The following TAOK2 variants were observed in gnomAD, a reference collection of about 807,000 sequenced individuals.
TAOK2 encodes TAO kinase 2, also known as serine/threonine-protein kinase TAO2.
TAOK2 carries 42 observed loss-of-function variants against 122.5 expected under a neutral mutation model. That is an observed-to-expected ratio of 0.34 (90% CI 0.27 to 0.44). The LOEUF (loss-of-function observed/expected upper bound fraction) is 0.44, where lower values mean the gene tolerates loss of function less well. TAOK2 is among the 20% of genes least tolerant of loss of function. The probability of loss-of-function intolerance (pLI) is 1.00; values close to 1 mark genes in which losing one functional copy is unlikely to be tolerated. For synonymous variants in TAOK2, 704 were observed against 677.6 expected (o/e 1.04, Z -0.61); for missense variants, 1,264 against 1,644.9 (o/e 0.77, Z 4.01).
rs1021606600 is a variant in TAOK2, at chr16:29,985,293, G to A, written c.1503G>A (p.Gln501=). Residue 501 remains glutamine (Q), a synonymous_variant, in exon 14 of 16, where the codon CAG becomes CAA. Coordinates refer to ENST00000308893, the MANE Select transcript of TAOK2 (RefSeq NM_016151.4). This position sits in a 1 kb window ranked among gnomAD's most constrained non-coding sequence, Gnocchi z 6.9. ...GCGGCTATAAGCGGATGCGACGACA[G>A]CACCAGAAGCAGCTGCTGGCCCTGG... ...QLSGYKRMRR[Q]HQKQLLALES... is the part of the protein sequence containing the mutation. 3 of 1,603,008 alleles carry A rather than the reference G, an allele frequency of 1.9e-6. No individual in the cohort carries two copies. The highest frequency in any genetic ancestry group is 2.6e-6 in the Non-Finnish European group (3 of 1,173,308).
chr16:29,988,900 A>C, downstream of TAOK2: 1 of 985,180 alleles, frequency 1.0e-6, no homozygotes, highest in Non-Finnish European at 1.2e-6. Context: ...GCCGGGCTGG[A>C]ATGCGGATCT....
chr16:29,988,140 T>G lies in TAOK2; in HGVS notation c.*160T>G. The G allele has an allele frequency of 1.4e-6, 2 of 1,432,858 alleles. No individual in the cohort carries two copies. The highest frequency in any genetic ancestry group is 2.5e-5 in the East Asian group (1 of 39,908). The allele number at this position is 1,432,858 out of a possible 1,614,324, so 88.8% of individuals were successfully genotyped here. A position where few individuals can be genotyped will look rare whatever the true frequency, so the allele number is the denominator to read the frequency against. On this transcript the variant is annotated 3_prime_UTR_variant, in exon 16 of 16. Coordinates refer to ENST00000308893, the MANE Select transcript of TAOK2 (RefSeq NM_016151.4). The stretch of plus-strand genomic sequence containing the variant: ...CCTTCGGACCTCTAGACAGGCAGCC[T>G]CCTCAGCTGTGGAGTCCAGCAGTCA...
In TAOK2 at chr16:29,981,947, G is replaced by A; in HGVS notation, c.831+7G>A. ...CTCAGAGGTTCTCCTGAAGGTGAGG[G>A]CCTGCTGGCCTAGCATTCTCCTGGA... On this transcript the variant is annotated splice_region_variant and intron_variant, in intron 10 of 15. Coordinates refer to ENST00000308893, the MANE Select transcript of TAOK2 (RefSeq NM_016151.4). 6.2e-7 allele frequency: 1 copy of A among 1,608,870 alleles called. No individual in the cohort carries two copies. The highest frequency in any genetic ancestry group is 8.5e-7 in the Non-Finnish European group (1 of 1,176,136).
Position 29,985,529 on chromosome 16 carries a change from T to C in TAOK2, c.1739T>C (p.Leu580Pro). The change falls in exon 14 of 16, where the codon CTG becomes CCG. Residue 580 changes from leucine (L) to proline (P), a missense_variant. By Grantham distance (98) the Leu-to-Pro change is moderately conservative. Transcript: ENST00000308893. The surrounding 1 kb of genome is among the most constrained non-coding windows in gnomAD (Gnocchi z 6.9). ...GQQKKELAAL[L>P]EAQKRTYKLR... ...CAGAAGAAGGAGCTGGCTGCCCTGCTGGAGGCACAGAAGCGGACCTACAAA... is the reference window on the plus strand; with the variant it reads ...CAGAAGAAGGAGCTGGCTGCCCTGCCGGAGGCACAGAAGCGGACCTACAAA... 1 of 1,608,734 alleles carries C rather than the reference T, an allele frequency of 6.2e-7. No individual in the cohort carries two copies. The highest frequency in any genetic ancestry group is 8.5e-7 in the Non-Finnish European group (1 of 1,176,892).
rs1567249872 is a variant in TAOK2, at chr16:29,987,107, A to C, written c.2835A>C (p.Gly945=). 6.2e-7 allele frequency: 1 copy of C among 1,612,398 alleles called. No individual in the cohort carries two copies. Among genetic ancestry groups the C allele is most frequent in the Non-Finnish European group, 8.5e-7 (1 of 1,179,106 alleles). Residue 945 remains glycine (G), a synonymous_variant, in exon 16 of 16, where the codon GGA becomes GGC. Transcript: ENST00000308893. ...LRPCPASQLP[G]LLSHGLLAGL... is the part of the protein sequence containing the mutation. ...CCTGCCCTGCCAGCCAGCTCCCTGGACTCCTGTCCCATGGCCTCCTGGCCG... is the reference window on the plus strand; with the variant it reads ...CCTGCCCTGCCAGCCAGCTCCCTGGCCTCCTGTCCCATGGCCTCCTGGCCG...
In TAOK2 at chr16:29,987,669, C is replaced by T. The variant is rs772447624; in HGVS notation, c.3397C>T (p.Arg1133Trp). The T allele has an allele frequency of 9.9e-6, 16 of 1,613,846 alleles. No homozygotes were observed. The highest frequency in any genetic ancestry group is 5.3e-5 in the African/African-American group (4 of 75,048). ...CAGCCGCCTGCCCGTCCCTGGGCCC[C>T]GGCGGCGTAATCCCCGCACCACCCA... is the stretch of plus-strand genomic sequence containing the variant. ...FRSRLPVPGP[R>W]RRNPRTTQHP... is the part of the protein sequence containing the mutation. Residue 1133 changes from arginine (R) to tryptophan (W), a missense_variant, in exon 16 of 16, where the codon CGG becomes TGG. Physicochemically the swap from Arg to Trp is moderately radical, Grantham distance 101. Coordinates refer to ENST00000308893, the MANE Select transcript of TAOK2 (RefSeq NM_016151.4).
rs750004275 is a variant in TAOK2 at position 29,983,658 on chromosome 16, C to T, written c.1416C>T (p.Ala472=). The change falls in exon 13 of 16, where the codon GCC becomes GCT. Residue 472 remains alanine, a synonymous_variant. Transcript: ENST00000308893. ...NRDHFATIRT[A]SLVSRQIQEH... is the part of the protein sequence containing the mutation. ...ACCACTTTGCCACCATCCGAACCGCCTCCCTGGTGAGTGTAGCCATCCTCA... is the reference window on the plus strand; with the variant it reads ...ACCACTTTGCCACCATCCGAACCGCTTCCCTGGTGAGTGTAGCCATCCTCA... 6 of 1,610,654 alleles carry T rather than the reference C, an allele frequency of 3.7e-6. No individual in the cohort carries two copies. In the East Asian group the frequency reaches 1.3e-4, roughly 36 times the overall value.
At chr16:29,978,515 C>A (rs1361206434) in intron 4 of TAOK2, among the ~76,000 whole-genome samples, 162 bp downstream of exon 4, 1 of 152,162 alleles carries the variant, frequency 6.6e-6, no homozygotes. Flanking sequence ...ACCCACTGAG[C>A]AAAAGCCTGG....
chr16:29,989,736 G>T, downstream of TAOK2: 1 of 1,614,018 alleles, frequency 6.2e-7, no homozygotes. Context: ...AGGAAGAGCA[G>T]ACCCGCAAGC....
rs2069689911 is a variant in TAOK2, at chr16:29,983,613, G to A, written c.1371G>A (p.Arg457=). The A allele has an allele frequency of 1.9e-6, 3 of 1,613,564 alleles. No individual in the cohort carries two copies. Among genetic ancestry groups the A allele is most frequent in the South Asian group, 2.2e-5 (2 of 91,080 alleles). Residue 457 remains arginine (R), a synonymous_variant, in exon 13 of 16, where the codon CGG becomes CGA. Transcript: ENST00000308893. ...CCACCACCTCTTCCGCCCGCCGCCGGGCCTACTGCCGTAACCGAGACCACT... is the reference window on the plus strand; with the variant it reads ...CCACCACCTCTTCCGCCCGCCGCCGAGCCTACTGCCGTAACCGAGACCACT... ...PTSTTSSARR[R]AYCRNRDHFA...
At chr16:29,990,962 A>G (rs1297171801), downstream of TAOK2, 11 of 1,610,382 alleles carry the variant, frequency 6.8e-6, no homozygotes, top group Non-Finnish European at 9.3e-6. Context: ...CTGCTGGAGC[A>G]GCGGGTAAGG....
downstream of TAOK2, chr16:29,991,193 T>G: frequency 6.2e-7 from 1 of 1,611,118 alleles, no homozygotes; most frequent in Non-Finnish European, 8.5e-7. The surrounding 1 kb of genome is among the most constrained non-coding windows in gnomAD (Gnocchi z 5.6). Context: ...GCATCCCGGC[T>G]GAAGCTGCTG....
Position 29,986,166 on chromosome 16 carries a change from G to A in TAOK2, c.1993-99G>A. The stretch of plus-strand genomic sequence containing the variant: ...ATACTGACCAGGCCCTGGGCCCTGT[G>A]TTTCTTCCGCCATCCCCAGCTCCCT... On this transcript the variant is annotated intron_variant, in intron 15 of 15. Coordinates refer to ENST00000308893, the MANE Select transcript of TAOK2 (RefSeq NM_016151.4). This position sits in a 1 kb window ranked among gnomAD's most constrained non-coding sequence, Gnocchi z 4.2. 6.8e-7 allele frequency: 1 copy of A among 1,478,290 alleles called. No individual in the cohort carries two copies. Among genetic ancestry groups the A allele is most frequent in the South Asian group, 1.4e-5 (1 of 70,294 alleles). The allele number at this position is 1,478,290 out of a possible 1,614,324, so 91.6% of individuals were successfully genotyped here. A position where few individuals can be genotyped will look rare whatever the true frequency, so the allele number is the denominator to read the frequency against.
Position 29,988,103 on chromosome 16 carries a change from C to A in TAOK2, c.*123C>A. The A allele has an allele frequency of 7.0e-7, 1 of 1,435,368 alleles. No homozygotes were observed. Among genetic ancestry groups the A allele is most frequent in the South Asian group, 1.5e-5 (1 of 67,282 alleles). The allele number at this position is 1,435,368 out of a possible 1,614,324, so 88.9% of individuals were successfully genotyped here. ...CACCTTCCTCAGTTTGCTCACTTAC[C>A]CCAGGCCCAGCCCTTCGGACCTCTA... On this transcript the variant is annotated 3_prime_UTR_variant, in exon 16 of 16. Coordinates refer to ENST00000308893, the MANE Select transcript of TAOK2 (RefSeq NM_016151.4).
In TAOK2 at chr16:29,976,886, A is replaced by G. The variant is rs2069471841; in HGVS notation, c.-35-852A>G. On this transcript the variant is annotated intron_variant, in intron 1 of 15. Coordinates refer to ENST00000308893, the MANE Select transcript of TAOK2 (RefSeq NM_016151.4). ...TGTTTCGAAGGGCTGCTCTGAAATC[A>G]TAGTGATGGAGGACCAGCTTTGGAC... Among the ~76,000 whole-genome samples, 2 of 152,232 alleles carry G rather than the reference A, an allele frequency of 1.3e-5. 1 individual carries two copies. Among genetic ancestry groups the G allele is most frequent in the South Asian group, 4.1e-4 (2 of 4,832 alleles).
At position 29,987,264 on chromosome 16, in the gene TAOK2, G is replaced by A; in HGVS notation, c.2992G>A (p.Gly998Ser). 3 of 1,527,572 alleles carry A rather than the reference G, an allele frequency of 2.0e-6. No homozygotes were observed. Among genetic ancestry groups the A allele is most frequent in the Non-Finnish European group, 2.6e-6 (3 of 1,142,198 alleles). The allele number at this position is 1,527,572 out of a possible 1,614,324, so 94.6% of individuals were successfully genotyped here. A position where few individuals can be genotyped will look rare whatever the true frequency, so the allele number is the denominator to read the frequency against. ...ALLALEVGLV[G>S]LGASYLLLCT... ...GCTGGCCCTTGAGGTGGGGCTGGTG[G>A]GTCTGGGGGCCTCCTACCTGCTCCT... Residue 998 changes from glycine to serine, a missense_variant, in exon 16 of 16, where the codon GGT (glycine) becomes AGT (serine). Transcript: ENST00000308893.
downstream of TAOK2, chr16:29,989,254 G>C: frequency 1.0e-6 from 1 of 985,190 alleles, no homozygotes; most frequent in African/African-American, 1.7e-5. Context: ...TCCCTGTCCA[G>C]TAACTCCGAT....
chr16:29,988,552 A>G (rs1051128191), downstream of TAOK2: 29 of 985,106 alleles, frequency 2.9e-5, no homozygotes, highest in East Asian at 1.1e-4. Context: ...CTCTGCCTTC[A>G]TAGCTTCATT....
At chr16:29,991,744 C>T, downstream of TAOK2, 1 of 847,234 alleles carries the variant, frequency 1.2e-6, no homozygotes, top group Non-Finnish European at 1.6e-6. The surrounding 1 kb of genome is among the most constrained non-coding windows in gnomAD (Gnocchi z 5.6). Flanking sequence ...CCAGGGCCAG[C>T]TTGGCGATAG....
Sources: gnomAD v4.1 joint callset for allele counts (sites outside exome capture counted in the v4.1 genomes callset) on GRCh38, gnomAD v4.1.1 for gene constraint, Gnocchi (gnomAD v3.1) non-coding constraint, MANE v1.5 for transcripts, NCBI Gene and HGNC (gene_info 2026-07-23, HGNC 2026-07-21) for gene names.